The following MAN1C1 variants were observed in gnomAD, a reference collection of about 807,000 sequenced individuals.
MAN1C1 encodes the protein mannosidase alpha class 1C member 1, also known as mannosyl-oligosaccharide 1,2-alpha-mannosidase IC.
MAN1C1 carries 49 observed loss-of-function variants against 71.5 expected under a neutral mutation model. The observed-to-expected ratio is 0.69, with a 90% CI of 0.54 to 0.87. MAN1C1 has a LOEUF of 0.87. MAN1C1 is among the 40% of genes least tolerant of loss of function. The probability of loss-of-function intolerance (pLI) is 0.00; values close to 1 mark genes in which losing one functional copy is unlikely to be tolerated. For missense variants in MAN1C1, 743 were observed against 835.0 expected (o/e 0.89, Z 1.36); for synonymous variants, 352 against 343.7 (o/e 1.02, Z -0.27).
intron 1 of MAN1C1, among the ~76,000 whole-genome samples, chr1:25,643,421 ATTTTTTTT>A (rs11326338): frequency 8.7e-6 from 1 of 115,456 alleles, no homozygotes; most frequent in Non-Finnish European, 1.7e-5. Context: ...CGCCTGGCTA[ATTTTTTTT>A]TTTTTTTTTT....
chr1:25,620,504 AG>A (rs1449087202), intron 1 of MAN1C1, among the ~76,000 whole-genome samples: 2 of 152,220 alleles, frequency 1.3e-5, no homozygotes, highest in Admixed American at 6.5e-5. Flanking sequence ...CACCCCAGGA[AG>A]AACGCATATG....
intron 8 of MAN1C1, among the ~76,000 whole-genome samples, chr1:25,772,976 G>A (rs1422904168): frequency 2.0e-5 from 3 of 152,166 alleles, no homozygotes; most frequent in Non-Finnish European, 4.4e-5. Flanking sequence ...CAATTCAAAT[G>A]CCACTGAAAC....
Position 25,617,082 on chromosome 1 carries a change from C to T in MAN1C1, c.-716C>T, listed in dbSNP as rs985877091. ...AGCCGCGGCTCCGGACCCAGGCATC[C>T]CTGCGCTGTCTGGGGCCCGGGGGAA... On this transcript the variant is annotated 5_prime_UTR_variant, in exon 1 of 12. Coordinates refer to ENST00000374332, the MANE Select transcript of MAN1C1 (RefSeq NM_020379.4). This position sits in a 1 kb window ranked among gnomAD's most constrained non-coding sequence, Gnocchi z 5.1. Among the ~76,000 whole-genome samples, 2 of 151,940 alleles carry T rather than the reference C, an allele frequency of 1.3e-5. No individual in the cohort carries two copies. Among genetic ancestry groups the T allele is most frequent in the African/African-American group, 4.8e-5 (2 of 41,412 alleles).
intron 1 of MAN1C1, among the ~76,000 whole-genome samples, chr1:25,680,383 A>T (rs944831229): frequency 6.6e-6 from 1 of 152,104 alleles, no homozygotes; most frequent in Non-Finnish European, 1.5e-5. Flanking sequence ...TAATATATTC[A>T]CAAATTGTGA....
At chr1:25,766,791 C>T (rs191190484) in intron 7 of MAN1C1, among the ~76,000 whole-genome samples, 1 of 152,104 alleles carries the variant, frequency 6.6e-6, no homozygotes, top group Admixed American at 6.5e-5. Flanking sequence ...CTGCCTGAAT[C>T]CCACACTTTC....
In MAN1C1 at chr1:25,783,756, A is replaced by T. The variant is rs1168771184; in HGVS notation, c.1860A>T (p.Ser620=). Residue 620 remains serine, a synonymous_variant, in exon 12 of 12, where the codon TCA becomes TCT. Coordinates refer to ENST00000374332, the MANE Select transcript of MAN1C1 (RefSeq NM_020379.4). ...TEAHPLPVNH[S]DSSGRAWGRH is the part of the protein sequence containing the mutation. The stretch of plus-strand genomic sequence containing the variant: ...CCCACCCACTCCCGGTGAACCACTC[A>T]GACAGCTCCGGCAGAGCCTGGGGCA... 5.6e-6 allele frequency: 9 copies of T among 1,612,710 alleles called. No homozygotes were observed. In the Admixed American group the frequency reaches 1.2e-4, roughly 21 times the overall value.
chr1:25,657,489 C>T (rs576001565), intron 1 of MAN1C1, among the ~76,000 whole-genome samples: 5 of 152,310 alleles, frequency 3.3e-5, no homozygotes, highest in Admixed American at 6.5e-5. Flanking sequence ...GTGAATCATC[C>T]GCACACAGAA....
intron 1 of MAN1C1, among the ~76,000 whole-genome samples, chr1:25,625,973 T>G (rs2045287644): frequency 6.6e-6 from 1 of 152,246 alleles, no homozygotes; most frequent in Admixed American, 6.5e-5. Flanking sequence ...CATTGTATGA[T>G]TATACCCCAA....
At chr1:25,677,682 T>C (rs1202159963) in intron 1 of MAN1C1, among the ~76,000 whole-genome samples, 1 of 152,034 alleles carries the variant, frequency 6.6e-6, no homozygotes, top group Non-Finnish European at 1.5e-5. Flanking sequence ...GGCAAGTCCC[T>C]TCCCTTTCTG....
chr1:25,754,255 C>G (rs542067214), intron 5 of MAN1C1, among the ~76,000 whole-genome samples: 1 of 152,184 alleles, frequency 6.6e-6, no homozygotes, highest in East Asian at 1.9e-4. Context: ...CATCCCATCT[C>G]CTGAAGTGAT....
chr1:25,681,624 C>T (rs182860658), intron 1 of MAN1C1, among the ~76,000 whole-genome samples: 60 of 152,316 alleles, frequency 3.9e-4, no homozygotes, highest in African/African-American at 1.4e-3. Context: ...ACGTCTAAGA[C>T]CTGCTGCATT....
At chr1:25,720,527 G>T (rs1484613123) in intron 2 of MAN1C1, among the ~76,000 whole-genome samples, 1 of 152,056 alleles carries the variant, frequency 6.6e-6, no homozygotes, top group African/African-American at 2.4e-5. Context: ...ATTTTAATTG[G>T]GTAGTTTATT....
chr1:25,740,387 G>A (rs1013537181), intron 2 of MAN1C1, among the ~76,000 whole-genome samples: 18 of 152,106 alleles, frequency 1.2e-4, no homozygotes, highest in Admixed American at 5.2e-4. Flanking sequence ...GGGGGGTTTC[G>A]AGCAGAGGAG....
intron 2 of MAN1C1, among the ~76,000 whole-genome samples, chr1:25,719,050 G>GCTT (rs1553190031): frequency 3.6e-5 from 5 of 137,580 alleles, no homozygotes; most frequent in Admixed American, 1.5e-4. Flanking sequence ...TCTTTCCAAT[G>GCTT]CTTATTATTA....
intron 1 of MAN1C1, among the ~76,000 whole-genome samples, chr1:25,623,813 G>A (rs770609289): frequency 3.9e-5 from 6 of 152,272 alleles, no homozygotes; most frequent in Non-Finnish European, 7.4e-5. Context: ...CTCTCCCTGC[G>A]TTGCTTTCAG....
chr1:25,644,767 C>T (rs554389655), intron 1 of MAN1C1: 1 of 152,282 alleles, frequency 6.6e-6, no homozygotes, highest in East Asian at 1.9e-4. Context: ...AGCGATCCTC[C>T]TGCCTCAGCC....
chr1:25,618,104 C>G lies in MAN1C1; in HGVS notation c.307C>G (p.Arg103Gly), dbSNP rs564755166. The G allele has an allele frequency of 2.0e-6, 3 of 1,513,396 alleles. No homozygotes were observed. The highest frequency in any genetic ancestry group is 2.6e-6 in the Non-Finnish European group (3 of 1,138,888). 93.7% of individuals were successfully genotyped at this position (1,513,396 alleles called of 1,614,324 possible). A position where few individuals can be genotyped will look rare whatever the true frequency, so the allele number is the denominator to read the frequency against. ...TGACCCCAGCAGCTGGGCCAGTCCC[C>G]GCCGCAGGAAAGGGGGGCTGCGGCG... ...EDDPSSWASP[R>G]RRKGGLRRTR... The change falls in exon 1 of 12, where the codon CGC becomes GGC. Residue 103 changes from arginine to glycine, a missense_variant. Transcript: ENST00000374332.
chr1:25,717,028 C>T (rs1298814514), intron 2 of MAN1C1, among the ~76,000 whole-genome samples: 1 of 152,106 alleles, frequency 6.6e-6, no homozygotes, highest in Non-Finnish European at 1.5e-5. Flanking sequence ...AGTAGTATTC[C>T]GTCATATGGA....
intron 5 of MAN1C1, among the ~76,000 whole-genome samples, chr1:25,758,038 T>A (rs1182206023): frequency 6.6e-6 from 1 of 152,240 alleles, no homozygotes; most frequent in African/African-American, 2.4e-5. Flanking sequence ...GTAGGTTCCA[T>A]GAAATTCCAG....
Sources: allele counts gnomAD v4.1 joint callset (sites outside exome capture counted in the v4.1 genomes callset), GRCh38; gene constraint gnomAD v4.1.1; non-coding constraint Gnocchi (gnomAD v3.1); transcripts MANE v1.5; gene names NCBI Gene and HGNC (gene_info 2026-07-23, HGNC 2026-07-21).